The following KIRREL1 variants were observed in gnomAD, a reference collection of about 807,000 sequenced individuals.
KIRREL1 encodes kirre like nephrin family adhesion molecule 1.
A neutral mutation model predicts 83.3 loss-of-function variants in KIRREL1; 25 were observed. The observed-to-expected ratio is 0.30, with a 90% CI of 0.22 to 0.42. The LOEUF (loss-of-function observed/expected upper bound fraction) is 0.42, where lower values mean the gene tolerates loss of function less well. Among genes scored for constraint, KIRREL1 ranks in the 10% least tolerant of loss-of-function variants. The pLI is 1.00. For synonymous variants in KIRREL1, 388 were observed against 410.4 expected (o/e 0.95, Z 0.66); for missense variants, 812 against 1,032.3 (o/e 0.79, Z 2.92).
At chr1:158,056,367 C>T (rs1354554702) in intron 1 of KIRREL1, among the ~76,000 whole-genome samples, 2 of 152,184 alleles carry the variant, frequency 1.3e-5, no homozygotes, top group Non-Finnish European at 2.9e-5. Context: ...GCATCCACCA[C>T]CATCTGCAAT....
chr1:158,070,175 G>A (rs939300504), intron 1 of KIRREL1, among the ~76,000 whole-genome samples: 3 of 152,194 alleles, frequency 2.0e-5, no homozygotes, highest in African/African-American at 7.2e-5. Context: ...AAGCTGTAGG[G>A]CAGGAAGAAG....
chr1:158,089,018 T>G (rs1390485348), intron 8 of KIRREL1, among the ~76,000 whole-genome samples: 3 of 150,220 alleles, frequency 2.0e-5, no homozygotes, highest in Non-Finnish European at 3.0e-5. Flanking sequence ...GGAGAGGGCC[T>G]GGGGCGGGCC....
At chr1:158,089,946 C>T in intron 10 of KIRREL1, 128 bp downstream of exon 10, 1 of 754,430 alleles carries the variant, frequency 1.3e-6, no homozygotes, top group Non-Finnish European at 2.3e-6. Flanking sequence ...GAATCTTCTG[C>T]TTTCTGTCCC....
At chr1:158,010,393 G>GCACACA (rs1196299743) in intron 1 of KIRREL1, among the ~76,000 whole-genome samples, 9 of 12,552 alleles carry the variant, frequency 7.2e-4, no homozygotes, top group Admixed American at 8.4e-4. Flanking sequence ...TCACACACAT[G>GCACACA]CATACACACA....
chr1:158,005,078 A>G (rs566684908), intron 1 of KIRREL1, among the ~76,000 whole-genome samples: 2 of 152,348 alleles, frequency 1.3e-5, no homozygotes, highest in South Asian at 4.1e-4. Flanking sequence ...TCTGACTCAC[A>G]AAGTCTGGGG....
chr1:158,038,858 A>G (rs1024384750), intron 1 of KIRREL1, among the ~76,000 whole-genome samples: 1 of 152,214 alleles, frequency 6.6e-6, no homozygotes, highest in African/African-American at 2.4e-5. Flanking sequence ...GTAGGTCTTC[A>G]ATAAACATTG....
chr1:158,016,350 A>G (rs1429202276), intron 1 of KIRREL1, among the ~76,000 whole-genome samples: 1 of 152,194 alleles, frequency 6.6e-6, no homozygotes, highest in Non-Finnish European at 1.5e-5. Context: ...TATTTTAAGT[A>G]AACAAATAAT....
chr1:158,077,416 G>C (rs1400113545), intron 2 of KIRREL1, among the ~76,000 whole-genome samples: 2 of 152,194 alleles, frequency 1.3e-5, no homozygotes, highest in African/African-American at 4.8e-5. Context: ...AGCAAGAAGC[G>C]GGTGGGGGAG....
chr1:158,069,165 G>A (rs1231132759), intron 1 of KIRREL1, among the ~76,000 whole-genome samples: 7 of 152,140 alleles, frequency 4.6e-5, no homozygotes, highest in Non-Finnish European at 7.4e-5. Flanking sequence ...GCAGAGACAC[G>A]GAAGCAGACG....
At chr1:158,015,005 T>C (rs1571537223) in intron 1 of KIRREL1, among the ~76,000 whole-genome samples, 1 of 152,202 alleles carries the variant, frequency 6.6e-6, no homozygotes, top group Admixed American at 6.5e-5. Flanking sequence ...AGCCTCAGGA[T>C]GGCCACAAGC....
In KIRREL1 at chr1:158,044,495, T is replaced by TTTGC. The variant is rs568140886; in HGVS notation, c.53-31614_53-31611dup. ...TAAAGTATTAGGCATTTTTTGTTTG[T>TTTGC]TTGCTTGTTTGTTTGTTTGTTTTGA... is the stretch of plus-strand genomic sequence containing the variant. On this transcript the variant is annotated intron_variant, in intron 1 of 14. Transcript: ENST00000359209. Among the ~76,000 whole-genome samples the TTTGC allele has an allele frequency of 1.6e-3, 242 of 152,240 alleles. 1 individual carries two copies. Among genetic ancestry groups the TTTGC allele is most frequent in the Non-Finnish European group, 2.1e-3 (144 of 68,024 alleles).
In KIRREL1 at chr1:158,076,022, T is replaced by C. The variant is rs188498955; in HGVS notation, c.53-91T>C. 4.3e-4 allele frequency: 542 copies of C among 1,253,130 alleles called. 2 individuals are homozygous for C. The African/African-American group carries it at 6.7e-3, about 15-fold the overall frequency. The allele number at this position is 1,253,130 out of a possible 1,614,324, so 77.6% of individuals were successfully genotyped here. Reference sequence around the variant, plus strand: ...AGAGTCCCCATCCCCAACTGGAGGCTCTCCCTCCTTCCAGCTGCATGGTGA... The same window carrying C: ...AGAGTCCCCATCCCCAACTGGAGGCCCTCCCTCCTTCCAGCTGCATGGTGA... On this transcript the variant is annotated intron_variant, in intron 1 of 14. Transcript: ENST00000359209.
At chr1:158,008,719 CT>C (rs1168252787) in intron 1 of KIRREL1, among the ~76,000 whole-genome samples, 8 of 152,156 alleles carry the variant, frequency 5.3e-5, no homozygotes, top group African/African-American at 1.9e-4. Flanking sequence ...CATGTGGGAG[CT>C]GCGCCAGGTG....
chr1:158,051,894 C>T (rs1483275280), intron 1 of KIRREL1, among the ~76,000 whole-genome samples: 1 of 152,214 alleles, frequency 6.6e-6, no homozygotes, highest in Non-Finnish European at 1.5e-5. Context: ...TCTCAGCTTC[C>T]ACCTTCTCCT....
At chr1:158,029,366 T>TGTGTGCGCGCGCGC (rs1553238087) in intron 1 of KIRREL1, among the ~76,000 whole-genome samples, 1 of 148,930 alleles carries the variant, frequency 6.7e-6, no homozygotes, top group African/African-American at 2.5e-5. Context: ...TGTGTGTGTG[T>TGTGTGCGCGCGCGC]GCACGTGCGC....
Position 158,094,583 on chromosome 1 carries a change from G to T in KIRREL1, c.1798-61G>T. On this transcript the variant is annotated intron_variant, in intron 14 of 14. Transcript: ENST00000359209. This position sits in a 1 kb window ranked among gnomAD's most constrained non-coding sequence, Gnocchi z 4.6. Reference sequence around the variant, plus strand: ...AGGAAGAGGCCCAGAAAGCCATGGTGAGACTTGATCCCCACCCAAGAGGGA... The same window carrying T: ...AGGAAGAGGCCCAGAAAGCCATGGTTAGACTTGATCCCCACCCAAGAGGGA... 1 of 1,418,340 alleles carries T rather than the reference G, an allele frequency of 7.1e-7. No individual in the cohort carries two copies. The highest frequency in any genetic ancestry group is 9.8e-7 in the Non-Finnish European group (1 of 1,023,554). The allele number at this position is 1,418,340 out of a possible 1,614,324, so 87.9% of individuals were successfully genotyped here. A position where few individuals can be genotyped will look rare whatever the true frequency, so the allele number is the denominator to read the frequency against.
chr1:158,076,241 G>C lies in KIRREL1; in HGVS notation c.181G>C (p.Gly61Arg), dbSNP rs1661677802. The stretch of plus-strand genomic sequence containing the variant: ...ATGGACCAAGGACGGGCTGGCCCTG[G>C]GCATGGGCCAGGGCCTCAAAGGTGA... ...VQWTKDGLALGMGQGLKAWPR... is the reference protein window; with the variant it reads ...VQWTKDGLALRMGQGLKAWPR... The change falls in exon 2 of 15, where the codon GGC (glycine) becomes CGC (arginine). Residue 61 changes from glycine (G) to arginine (R), a missense_variant. By Grantham distance (125) the Gly-to-Arg change is moderately radical. This residue lies in a region of KIRREL1 where 472 missense variants were observed against 626.8 expected (regional missense o/e 0.75). Coordinates refer to ENST00000359209, the MANE Select transcript of KIRREL1 (RefSeq NM_018240.7). 1 of 1,614,012 alleles carries C rather than the reference G, an allele frequency of 6.2e-7. No homozygotes were observed. The highest frequency in any genetic ancestry group is 1.1e-5 in the South Asian group (1 of 91,080).
rs775439257 is a variant in KIRREL1 at position 158,078,007 on chromosome 1, G to T, written c.219G>T (p.Arg73=). 3.1e-6 allele frequency: 5 copies of T among 1,614,174 alleles called. No homozygotes were observed. The South Asian group carries it at 5.5e-5, about 18-fold the overall frequency. ...GQGLKAWPRY[R]VVGSADAGQY... ...TTTCTGCAGCCTGGCCACGGTACCG[G>T]GTTGTGGGCTCCGCAGACGCTGGGC... The change falls in exon 3 of 15, where the codon CGG becomes CGT. Residue 73 remains arginine, a synonymous_variant. Transcript: ENST00000359209.
In KIRREL1 at chr1:158,076,121, A is replaced by G. The variant is rs768835287; in HGVS notation, c.61A>G (p.Thr21Ala). ...LSDTFSQGTQTRFSQEPADQT... is the reference protein window; with the variant it reads ...LSDTFSQGTQARFSQEPADQT... ...TGGCTTTGGCTTTGCAGGGACCCAG[A>G]CCCGCTTCAGCCAGGAGCCAGCTGA... Residue 21 changes from threonine (T) to alanine (A), a missense_variant, in exon 2 of 15, where the codon ACC becomes GCC. Physicochemically the swap from Thr to Ala is moderately conservative, Grantham distance 58 (BLOSUM62 0). Coordinates refer to ENST00000359209, the MANE Select transcript of KIRREL1 (RefSeq NM_018240.7). 1 of 1,613,770 alleles carries G rather than the reference A, an allele frequency of 6.2e-7. No homozygotes were observed. Among genetic ancestry groups the G allele is most frequent in the African/African-American group, 1.3e-5 (1 of 74,992 alleles).
Sources: allele counts gnomAD v4.1 joint callset (sites outside exome capture counted in the v4.1 genomes callset), GRCh38; gene constraint gnomAD v4.1.1; regional missense constraint gnomAD v4.1.1; non-coding constraint Gnocchi (gnomAD v3.1); transcripts MANE v1.5; gene names NCBI Gene and HGNC (gene_info 2026-07-23, HGNC 2026-07-21).